The following INTS13 variants were observed in gnomAD, a reference collection of about 807,000 sequenced individuals.
The protein encoded by INTS13 is asunder, spermatogenesis regulator homolog (Drosphila).
In INTS13, 35 loss-of-function variants were observed where a neutral mutation model predicts 90.2. The ratio of observed to expected loss-of-function variants is 0.39; its 90% confidence interval spans 0.30 to 0.51. The LOEUF is 0.51. Among genes scored for constraint, INTS13 ranks in the 20% least tolerant of loss-of-function variants. The pLI is 0.80. For missense variants in INTS13, 601 were observed against 851.2 expected, an observed-to-expected ratio of 0.71 and a Z score of 3.66; for synonymous variants, 309 against 277.1, an observed-to-expected ratio of 1.11 and a Z score of -1.14.
intron 15 of INTS13, among the ~76,000 whole-genome samples, chr12:26,909,767 G>A (rs148991688): frequency 2.5e-4 from 38 of 152,318 alleles, no homozygotes; most frequent in African/African-American, 6.5e-4. Flanking sequence ...CCTCAAGGGT[G>A]ATCTCTGGCT....
chr12:26,928,588 A>C, intron 4 of INTS13, 115 bp downstream of exon 4: 1 of 1,011,048 alleles, frequency 9.9e-7, no homozygotes, highest in Non-Finnish European at 1.4e-6. Flanking sequence ...CAGAAAGGCC[A>C]CTTGTAATAT....
chr12:26,912,564 T>C (rs1019838051), intron 14 of INTS13, among the ~76,000 whole-genome samples: 1 of 152,232 alleles, frequency 6.6e-6, no homozygotes, highest in Non-Finnish European at 1.5e-5. Flanking sequence ...ATTACTTTTA[T>C]GTTTTTCAGA....
intron 15 of INTS13, among the ~76,000 whole-genome samples, chr12:26,908,749 A>T (rs972928151): frequency 3.3e-5 from 5 of 152,194 alleles, no homozygotes; most frequent in Non-Finnish European, 5.9e-5. Context: ...AGAGACATGC[A>T]ATTTAGGTCA....
At chr12:26,922,087 C>A (rs1592216365) in intron 8 of INTS13, among the ~76,000 whole-genome samples, 2 of 152,202 alleles carry the variant, frequency 1.3e-5, no homozygotes, top group East Asian at 3.8e-4. Context: ...GTGAATCATT[C>A]CTTTGTCCAG....
At chr12:26,933,435 G>A (rs920500385) in intron 3 of INTS13, among the ~76,000 whole-genome samples, 3 of 152,128 alleles carry the variant, frequency 2.0e-5, no homozygotes, top group African/African-American at 7.2e-5. Flanking sequence ...GAAAAATGGT[G>A]TTAGGCTTCT....
intron 3 of INTS13, among the ~76,000 whole-genome samples, chr12:26,934,230 A>C (rs1212015996): frequency 1.3e-5 from 2 of 152,198 alleles, no homozygotes; most frequent in Non-Finnish European, 2.9e-5. Context: ...GAGATGGCGC[A>C]ATGCACCCCA....
chr12:26,925,241 A>G (rs1358065819), intron 6 of INTS13, among the ~76,000 whole-genome samples: 2 of 152,128 alleles, frequency 1.3e-5, no homozygotes, highest in East Asian at 3.8e-4. Context: ...ACATATATCT[A>G]TATTTCTAAA....
In INTS13 at chr12:26,913,576, G is replaced by A. The variant is rs1951851273; in HGVS notation, c.1686C>T (p.Ser562=). The change falls in exon 14 of 17, where the codon AGC becomes AGT. Residue 562 remains serine (S), a synonymous_variant. Coordinates refer to ENST00000261191, the MANE Select transcript of INTS13 (RefSeq NM_018164.3). ...TTCGTTCTTCCTCTTCTGGGGGTTTGCTCCTGCATGCCATCAGACATTCCA... is the reference window on the plus strand; with the variant it reads ...TTCGTTCTTCCTCTTCTGGGGGTTTACTCCTGCATGCCATCAGACATTCCA... ...RVLECLMACR[S]KPPEEEERKK... 2.5e-6 allele frequency: 4 copies of A among 1,614,024 alleles called. No individual in the cohort carries two copies. Among genetic ancestry groups the A allele is most frequent in the Non-Finnish European group, 2.5e-6 (3 of 1,179,998 alleles).
At chr12:26,908,582 C>T (rs1016782749) in intron 15 of INTS13, among the ~76,000 whole-genome samples, 1 of 150,442 alleles carries the variant, frequency 6.6e-6, no homozygotes, top group Admixed American at 6.6e-5. Flanking sequence ...GTTGAATAGA[C>T]GTTTGCCAAA....
At chr12:26,936,235 A>G (rs1419181414) in intron 2 of INTS13, among the ~76,000 whole-genome samples, 1 of 152,220 alleles carries the variant, frequency 6.6e-6, no homozygotes, top group African/African-American at 2.4e-5. Flanking sequence ...AGCAGCTCTC[A>G]ATGGTCAGTC....
intron 10 of INTS13, 45 bp from the exon 11 acceptor site, chr12:26,916,225 G>T: frequency 7.0e-7 from 1 of 1,436,558 alleles, no homozygotes. Flanking sequence ...ACTCAAATGG[G>T]CTCTCATTTA....
chr12:26,935,851 G>A (rs1177415218), intron 2 of INTS13, among the ~76,000 whole-genome samples: 1 of 152,206 alleles, frequency 6.6e-6, no homozygotes, highest in South Asian at 2.1e-4. Flanking sequence ...GAGTAAGACA[G>A]AAAGCAAGTC....
Position 26,913,609 on chromosome 12 carries a change from T to C in INTS13, c.1653A>G (p.Gln551=), listed in dbSNP as rs1241935420. Residue 551 remains glutamine, a synonymous_variant, in exon 14 of 17, where the codon CAA becomes CAG. Coordinates refer to ENST00000261191, the MANE Select transcript of INTS13 (RefSeq NM_018164.3). ...RAHINNSEKH[Q]RVLECLMACR... ...ATGCCATCAGACATTCCAAGACTCT[T>C]TGATGTTTCTCTGAGTTGTTGATAT... The C allele has an allele frequency of 6.2e-7, 1 of 1,614,162 alleles. No individual in the cohort carries two copies. Among genetic ancestry groups the C allele is most frequent in the Non-Finnish European group, 8.5e-7 (1 of 1,180,024 alleles).
chr12:26,914,640 T>G, intron 11 of INTS13, 62 bp from the exon 12 acceptor site: 1 of 1,329,844 alleles, frequency 7.5e-7, no homozygotes, highest in South Asian at 1.3e-5. Context: ...ATGGATTACA[T>G]GTACTAGTCT....
At chr12:26,931,947 C>T (rs1444099569) in intron 3 of INTS13, among the ~76,000 whole-genome samples, 13 of 151,992 alleles carry the variant, frequency 8.6e-5, no homozygotes, top group East Asian at 1.9e-4. Flanking sequence ...ATCAGCCGGA[C>T]GTGGTGGCAG....
chr12:26,937,013 C>G (rs1021756650), intron 1 of INTS13, among the ~76,000 whole-genome samples, 199 bp from the exon 2 acceptor site: 5 of 152,158 alleles, frequency 3.3e-5, no homozygotes, highest in African/African-American at 1.2e-4. Context: ...CCATATTAGG[C>G]TGTCACTCTA....
chr12:26,921,160 G>A (rs1459068366), intron 8 of INTS13, among the ~76,000 whole-genome samples: 2 of 152,146 alleles, frequency 1.3e-5, no homozygotes, highest in African/African-American at 4.8e-5. Context: ...CTTGCCAGTT[G>A]GTGGCAAAGC....
At chr12:26,926,922 G>A (rs565006339) in intron 5 of INTS13, among the ~76,000 whole-genome samples, 12 of 152,306 alleles carry the variant, frequency 7.9e-5, no homozygotes, top group African/African-American at 2.4e-4. Context: ...CTCCAGAGAG[G>A]GGACAGAAGC....
intron 8 of INTS13, among the ~76,000 whole-genome samples, chr12:26,921,488 A>G (rs1952117130): frequency 6.6e-6 from 1 of 152,168 alleles, no homozygotes; most frequent in Admixed American, 6.5e-5. Flanking sequence ...TCCACAGGAC[A>G]CTAGTTCCAT....
Sources: allele counts gnomAD v4.1 joint callset (sites outside exome capture counted in the v4.1 genomes callset), GRCh38; gene constraint gnomAD v4.1.1; transcripts MANE v1.5; gene names NCBI Gene and HGNC (gene_info 2026-07-23, HGNC 2026-07-21).